Variants in RNF10 observed in about 807,000 individuals in gnomAD.
RNF10 encodes E3 ubiquitin-protein ligase RNF10.
RNF10 carries 38 observed loss-of-function variants against 91.4 expected under a neutral mutation model. The ratio of observed to expected loss-of-function variants is 0.42; its 90% CI spans 0.32 to 0.54. The LOEUF (loss-of-function observed/expected upper bound fraction) is 0.54. Ranked by LOEUF, RNF10 falls within the 20% of genes least tolerant of loss-of-function variation. RNF10 has a pLI of 0.16. For synonymous variants in RNF10, 364 were observed against 366.3 expected (o/e 0.99, Z 0.07); for missense variants, 945 against 1,012.0 (o/e 0.93, Z 0.90).
At chr12:120,538,805 G>C (rs144325199) in intron 1 of RNF10, among the ~76,000 whole-genome samples, 2 of 152,258 alleles carry the variant, frequency 1.3e-5, no homozygotes, top group East Asian at 3.9e-4. Context: ...GAGGTTGGTG[G>C]TATGAAGCAC....
rs915772411 is a variant in RNF10 at position 120,576,638 on chromosome 12, T to A, written c.2408T>A (p.Phe803Tyr). The A allele has an allele frequency of 6.2e-7, 1 of 1,613,888 alleles. No homozygotes were observed. Among genetic ancestry groups the A allele is most frequent in the African/African-American group, 1.3e-5 (1 of 74,886 alleles). Residue 803 changes from phenylalanine to tyrosine, a missense_variant, in exon 17 of 17, where the codon TTC becomes TAC. Phe to Tyr is a conservative substitution (Grantham distance 22). Coordinates refer to ENST00000325954, the MANE Select transcript of RNF10 (RefSeq NM_014868.5). ...AAAAAACAGAAACAGAAGCTCCTGT[T>A]CAGCACCTCAGTCGTCCACACCAAG... ...KRKKQKQKLL[F>Y]STSVVHTK
Position 120,576,792 on chromosome 12 carries a change from G to A in RNF10, c.*126G>A. On this transcript the variant is annotated 3_prime_UTR_variant, in exon 17 of 17. Transcript: ENST00000325954. Reference sequence around the variant, plus strand: ...GAACAGATTAGCTCTGGGGGGAGGGGGTTTCCACAATGTGAGGGGGAACCA... The same window carrying A: ...GAACAGATTAGCTCTGGGGGGAGGGAGTTTCCACAATGTGAGGGGGAACCA... The A allele has an allele frequency of 2.2e-6, 3 of 1,334,432 alleles. No individual in the cohort carries two copies. The highest frequency in any genetic ancestry group is 3.0e-6 in the Non-Finnish European group (3 of 984,096). The allele number at this position is 1,334,432 out of a possible 1,614,324, so 82.7% of individuals were successfully genotyped here. A position where few individuals can be genotyped will look rare whatever the true frequency, so the allele number is the denominator to read the frequency against.
intron 13 of RNF10, among the ~76,000 whole-genome samples, chr12:120,567,700 CA>C (rs34775380): frequency 0.23 from 27,436 of 119,462 alleles, 2,670 homozygotes; most frequent in African/African-American, 0.34. Context: ...GACTTTGTCT[CA>C]AAAAAAAAAA....
intron 14 of RNF10, among the ~76,000 whole-genome samples, chr12:120,572,061 GT>G (rs34773021): frequency 3.8e-4 from 55 of 144,028 alleles, no homozygotes; most frequent in East Asian, 1.0e-3. Flanking sequence ...TATCTTGACA[GT>G]TTTTTTTTTT....
chr12:120,552,764 TGA>T (rs972910018), intron 3 of RNF10, 66 bp downstream of exon 3: 33 of 1,397,812 alleles, frequency 2.4e-5, no homozygotes, highest in Non-Finnish European at 3.1e-5. Context: ...GGTGCCTCTG[TGA>T]GAGGCTTTTT....
chr12:120,563,657 C>T (rs1875247911), intron 9 of RNF10, 34 bp downstream of exon 9: 1 of 1,574,596 alleles, frequency 6.4e-7, no homozygotes, highest in South Asian at 1.2e-5. Context: ...TGGGTTGCCG[C>T]AGAGGTGTTT....
At chr12:120,560,441 A>T (rs1172125698) in intron 6 of RNF10, among the ~76,000 whole-genome samples, 4 of 152,166 alleles carry the variant, frequency 2.6e-5, no homozygotes, top group African/African-American at 9.7e-5. Flanking sequence ...GGTGTGAGCC[A>T]TGGTGCCTGG....
chr12:120,543,993 C>T (rs145382209), intron 1 of RNF10, among the ~76,000 whole-genome samples: 161 of 151,930 alleles, frequency 1.1e-3, no homozygotes, highest in African/African-American at 3.6e-3. Context: ...TTTGGGAGGC[C>T]GAGGTGAGTG....
At chr12:120,535,886 A>G (rs1308181642) in intron 1 of RNF10, among the ~76,000 whole-genome samples, 1 of 152,212 alleles carries the variant, frequency 6.6e-6, no homozygotes, top group Non-Finnish European at 1.5e-5. Context: ...GAAATTGTTC[A>G]TATTTAAAGA....
Position 120,550,940 on chromosome 12 carries a change from G to A in RNF10, c.355-1559G>A, listed in dbSNP as rs562176362. Among the ~76,000 whole-genome samples the A allele has an allele frequency of 1.8e-4, 27 of 152,090 alleles. 1 individual carries two copies. In the South Asian group the frequency reaches 5.2e-3, roughly 29 times the overall value. ...TAAGCTTGGTTGTTAATATAAAAAA[G>A]GAAGTTATCTGACTGGATGGTATAC... On this transcript the variant is annotated intron_variant, in intron 2 of 16. Transcript: ENST00000325954.
intron 14 of RNF10, among the ~76,000 whole-genome samples, chr12:120,573,390 A>G (rs1024627941): frequency 6.6e-6 from 1 of 152,044 alleles, no homozygotes; most frequent in African/African-American, 2.4e-5. Flanking sequence ...GTTTTATAGA[A>G]TATCCTACAG....
At chr12:120,574,291 C>T (rs1877078770) in intron 14 of RNF10, among the ~76,000 whole-genome samples, 1 of 152,186 alleles carries the variant, frequency 6.6e-6, no homozygotes, top group South Asian at 2.1e-4. Flanking sequence ...CTGCTTGAAC[C>T]CCATGGGGTT....
At chr12:120,563,769 A>T in intron 9 of RNF10, 41 bp from the exon 10 acceptor site, 1 of 1,608,714 alleles carries the variant, frequency 6.2e-7, no homozygotes, top group Non-Finnish European at 8.5e-7. Context: ...CCTCCTGGGG[A>T]CTGGCCAAGA....
chr12:120,563,006 C>A lies in RNF10; in HGVS notation c.1190C>A (p.Ala397Asp). The A allele has an allele frequency of 6.2e-7, 1 of 1,614,144 alleles. No individual in the cohort carries two copies. The highest frequency in any genetic ancestry group is 2.2e-5 in the East Asian group (1 of 44,882). Residue 397 changes from alanine (A) to aspartate (D), a missense_variant, in exon 8 of 17, where the codon GCT becomes GAT. Transcript: ENST00000325954. ...GSRREVTGVV[A>D]ALEQLVLMAP... ...AGAAGGGAGGTCACTGGTGTTGTGG[C>A]TGCTCTGGAACAACTGGTGCTGATG...
chr12:120,564,079 G>A, intron 10 of RNF10, 136 bp downstream of exon 10: 2 of 946,860 alleles, frequency 2.1e-6, no homozygotes, highest in East Asian at 2.5e-5. Context: ...GTCAGTGATG[G>A]TGCTGTGAAT....
intron 13 of RNF10, among the ~76,000 whole-genome samples, 186 bp downstream of exon 13, chr12:120,567,166 A>T (rs1222359527): frequency 6.6e-6 from 1 of 152,156 alleles, no homozygotes; most frequent in Non-Finnish European, 1.5e-5. Context: ...TGACTGCTTT[A>T]CCCTGCCAGC....
rs367785959 is a variant in RNF10, at chr12:120,552,716, T to C, written c.554+18T>C. On this transcript the variant is annotated intron_variant, in intron 3 of 16. Transcript: ENST00000325954. The stretch of plus-strand genomic sequence containing the variant: ...CAGGCCAAGTGAGTATTGCTACCCC[T>C]CAGAGGAAAGGGAAAGTAGGACTCT... 3.2e-4 allele frequency: 510 copies of C among 1,609,788 alleles called. 2 individuals are homozygous for C. The highest frequency in any genetic ancestry group is 4.0e-4 in the Non-Finnish European group (468 of 1,177,520).
chr12:120,564,367 A>G (rs1344689727), intron 10 of RNF10, among the ~76,000 whole-genome samples: 1 of 152,176 alleles, frequency 6.6e-6, no homozygotes, highest in Non-Finnish European at 1.5e-5. Context: ...TGGATGTGGT[A>G]GCTCACACCT....
At chr12:120,562,112 C>A (rs1457155164) in intron 7 of RNF10, among the ~76,000 whole-genome samples, 1 of 151,908 alleles carries the variant, frequency 6.6e-6, no homozygotes, top group East Asian at 1.9e-4. Context: ...AAGCTTAGTA[C>A]CCATTGGTTA....
Sources: allele counts gnomAD v4.1 joint callset (sites outside exome capture counted in the v4.1 genomes callset), GRCh38; gene constraint gnomAD v4.1.1; transcripts MANE v1.5; gene names NCBI Gene and HGNC (gene_info 2026-07-23, HGNC 2026-07-21).